MTHFD1L: variants seen among roughly 807,000 people sequenced by gnomAD.
MTHFD1L encodes the protein monofunctional C1-tetrahydrofolate synthase, mitochondrial.
MTHFD1L carries 81 observed loss-of-function variants against 119.5 expected under a neutral mutation model. The ratio of observed to expected loss-of-function variants is 0.68; its 90% CI spans 0.57 to 0.82. MTHFD1L has a LOEUF of 0.82. MTHFD1L is among the 40% of genes least tolerant of loss of function. The pLI, the probability that MTHFD1L is intolerant of heterozygous loss-of-function variation, is 0.00. For synonymous variants in MTHFD1L, 430 were observed against 475.2 expected (o/e 0.90, Z 1.24); for missense variants, 1,125 against 1,253.4 (o/e 0.90, Z 1.55).
chr6:151,049,145 C>T (rs573692847), intron 26 of MTHFD1L, among the ~76,000 whole-genome samples: 2 of 152,146 alleles, frequency 1.3e-5, no homozygotes, highest in South Asian at 2.1e-4. Context: ...CACTTGAGGT[C>T]GGAGGTTCGA....
intron 7 of MTHFD1L, among the ~76,000 whole-genome samples, chr6:150,900,947 G>A (rs1436781426): frequency 2.0e-5 from 3 of 151,848 alleles, no homozygotes; most frequent in African/African-American, 7.3e-5. Context: ...CCCAGGAGGC[G>A]GAGCTTGCAG....
chr6:151,009,088 C>T (rs1333115642), intron 20 of MTHFD1L, among the ~76,000 whole-genome samples: 1 of 145,062 alleles, frequency 6.9e-6, no homozygotes, highest in African/African-American at 2.6e-5. Context: ...TGCCATTGCA[C>T]TCCAGCCTGG....
chr6:151,094,000 A>C (rs1398421409), intron 27 of MTHFD1L, among the ~76,000 whole-genome samples: 2 of 152,136 alleles, frequency 1.3e-5, no homozygotes, highest in African/African-American at 4.8e-5. Context: ...GCTGGCTTCT[A>C]TCCTGACTCC....
chr6:150,968,846 C>CTTTT (rs145806257), intron 19 of MTHFD1L, among the ~76,000 whole-genome samples: 1 of 108,534 alleles, frequency 9.2e-6, no homozygotes, highest in African/African-American at 3.6e-5. Flanking sequence ...TTAAATAATT[C>CTTTT]TTTTTTTTTT....
At position 150,905,744 on chromosome 6, in the gene MTHFD1L, C is replaced by T. The variant is rs1339039642; in HGVS notation, c.875C>T (p.Ser292Phe). The change falls in exon 8 of 28, where the codon TCC (serine) becomes TTC (phenylalanine). Residue 292 changes from serine (S) to phenylalanine (F), a missense_variant. Transcript: ENST00000367321. ...CCAGGAACTACTGTTCTCAACTGCT[C>T]CCATGACTTCCTGTCAGGTAAATGT... ...IQPGTTVLNC[S>F]HDFLSGKVGC... The T allele has an allele frequency of 3.1e-6, 5 of 1,613,150 alleles. No homozygotes were observed. In the African/African-American group the frequency reaches 5.3e-5, roughly 17 times the overall value.
At chr6:150,938,007 T>TTTTTTG (rs963661820) in intron 12 of MTHFD1L, among the ~76,000 whole-genome samples, 18 of 152,042 alleles carry the variant, frequency 1.2e-4, no homozygotes, top group South Asian at 4.2e-4. Flanking sequence ...ATGCGGTGGT[T>TTTTTTG]TTTTTGTTTT....
intron 10 of MTHFD1L, among the ~76,000 whole-genome samples, chr6:150,925,399 T>C (rs1789759461): frequency 6.6e-6 from 1 of 152,098 alleles, no homozygotes; most frequent in Non-Finnish European, 1.5e-5. Flanking sequence ...GCATTACACA[T>C]GCTGGTATCC....
At chr6:151,009,627 A>G (rs950731972) in intron 20 of MTHFD1L, among the ~76,000 whole-genome samples, 192 bp from the exon 21 acceptor site, 6 of 152,186 alleles carry the variant, frequency 3.9e-5, no homozygotes, top group Non-Finnish European at 8.8e-5. Flanking sequence ...GGTGGGAAGC[A>G]GAGGAGGGCG....
intron 18 of MTHFD1L, among the ~76,000 whole-genome samples, chr6:150,963,355 C>G (rs1169050898): frequency 1.2e-4 from 1 of 8,030 alleles, no homozygotes; most frequent in Non-Finnish European, 1.9e-4. Flanking sequence ...CTGAAAATTG[C>G]TAAGAGTGGT....
chr6:150,928,063 G>A (rs1265126616), intron 11 of MTHFD1L, among the ~76,000 whole-genome samples: 1 of 152,092 alleles, frequency 6.6e-6, no homozygotes. Context: ...GTGGATTTGT[G>A]CATCTGTTTA....
intron 1 of MTHFD1L, among the ~76,000 whole-genome samples, chr6:150,871,744 C>G (rs1279478651): frequency 1.3e-5 from 2 of 151,404 alleles, no homozygotes; most frequent in East Asian, 3.9e-4. Flanking sequence ...CCTTGTGATC[C>G]GCCCACTTCG....
At chr6:150,965,423 G>A (rs1203780769) in intron 19 of MTHFD1L, among the ~76,000 whole-genome samples, 8 of 152,130 alleles carry the variant, frequency 5.3e-5, no homozygotes, top group Non-Finnish European at 1.2e-4. Flanking sequence ...CACTTTGTGA[G>A]GCCGAGGTGG....
intron 2 of MTHFD1L, among the ~76,000 whole-genome samples, chr6:150,876,691 G>T (rs1780503080): frequency 6.6e-6 from 1 of 152,150 alleles, no homozygotes; most frequent in African/African-American, 2.4e-5. Flanking sequence ...GCCACAGTTG[G>T]CCCCAGTTGC....
chr6:151,027,664 T>TC lies in MTHFD1L; in HGVS notation c.2587-6824dup, dbSNP rs200596243. Among the ~76,000 whole-genome samples the TC allele has an allele frequency of 3.7e-3, 558 of 149,950 alleles. 4 individuals carry two copies. Among genetic ancestry groups the TC allele is most frequent in the African/African-American group, 0.013 (529 of 40,884 alleles). ...TTTTTTTCTTTAAAGATTACACTTC[T>TC]CCCCCAAATCAAGCAGATTAACCAT... is the stretch of plus-strand genomic sequence containing the variant. On this transcript the variant is annotated intron_variant, in intron 24 of 27. Transcript: ENST00000367321.
intron 17 of MTHFD1L, 149 bp from the exon 18 acceptor site, chr6:150,960,126 G>T (rs79250420): frequency 1.8e-6 from 2 of 1,097,778 alleles, no homozygotes; most frequent in East Asian, 2.6e-5. Context: ...GTCCAGACAC[G>T]CAGAAAACTG....
chr6:150,926,557 C>T lies in MTHFD1L; in HGVS notation c.1256+262C>T, dbSNP rs1562393549. On this transcript the variant is annotated intron_variant, in intron 11 of 27. Transcript: ENST00000367321. The surrounding 1 kb of genome is among the most constrained non-coding windows in gnomAD (Gnocchi z 4.3). ...TCATATTATGTTGTTATTACCCCTG[C>T]TCCTCCTTGACTTTTTGAATTTCAT... 6.6e-6 allele frequency among the ~76,000 whole-genome samples: 1 copy of T among 152,166 alleles called. No homozygotes were observed. Among genetic ancestry groups the T allele is most frequent in the Admixed American group, 6.5e-5 (1 of 15,272 alleles).
intron 16 of MTHFD1L, among the ~76,000 whole-genome samples, chr6:150,954,879 G>A (rs1795385698): frequency 6.6e-6 from 1 of 151,970 alleles, no homozygotes; most frequent in Non-Finnish European, 1.5e-5. Flanking sequence ...CCAAAGTGCT[G>A]GGAGGTGTGT....
intron 27 of MTHFD1L, among the ~76,000 whole-genome samples, chr6:151,098,177 A>AAT (rs1231230832): frequency 2.0e-5 from 3 of 152,094 alleles, no homozygotes; most frequent in African/African-American, 7.2e-5. Context: ...CGGTCTCAAA[A>AAT]ATATATATAA....
intron 18 of MTHFD1L, 51 bp from the exon 19 acceptor site, chr6:150,964,918 T>C: frequency 1.3e-6 from 2 of 1,579,332 alleles, no homozygotes; most frequent in Non-Finnish European, 1.7e-6. Context: ...GGGTTAACCA[T>C]TGCCTGGATG....
Sources: gnomAD v4.1 joint callset for allele counts (sites outside exome capture counted in the v4.1 genomes callset) on GRCh38, gnomAD v4.1.1 for gene constraint, Gnocchi (gnomAD v3.1) non-coding constraint, MANE v1.5 for transcripts, NCBI Gene and HGNC (gene_info 2026-07-23, HGNC 2026-07-21) for gene names.